Variants in CCBE1 observed in about 807,000 individuals in gnomAD.
CCBE1 encodes collagen and calcium-binding EGF domain-containing protein 1.
In CCBE1, 37 loss-of-function variants were observed where a neutral mutation model predicts 50.0. That is an observed-to-expected ratio of 0.74 (90% CI 0.57 to 0.97). The LOEUF (loss-of-function observed/expected upper bound fraction) is 0.97, where lower values mean the gene tolerates loss of function less well. Among genes scored for constraint, CCBE1 ranks in the 50% least tolerant of loss-of-function variants. The probability of loss-of-function intolerance (pLI) is 0.00; values close to 1 mark genes in which losing one functional copy is unlikely to be tolerated. For missense variants in CCBE1, 538 were observed against 523.8 expected (o/e 1.03, Z -0.26); for synonymous variants, 234 against 203.7 (o/e 1.15, Z -1.27).
intron 2 of CCBE1, among the ~76,000 whole-genome samples, chr18:59,637,924 C>T (rs1191483042): frequency 6.6e-6 from 1 of 152,044 alleles, no homozygotes; most frequent in African/African-American, 2.4e-5. Context: ...AACAAATAAT[C>T]CTAGTTTACA....
At chr18:59,658,385 A>G (rs1318052866) in intron 2 of CCBE1, among the ~76,000 whole-genome samples, 6 of 37,152 alleles carry the variant, frequency 1.6e-4, no homozygotes, top group African/African-American at 2.1e-4. Context: ...ATATATATAT[A>G]TATATATATA....
intron 2 of CCBE1, among the ~76,000 whole-genome samples, chr18:59,582,797 A>C (rs542160980): frequency 6.6e-6 from 1 of 152,166 alleles, no homozygotes; most frequent in Non-Finnish European, 1.5e-5. Context: ...CAAAGGAAAA[A>C]GTCAAACTTT....
intron 2 of CCBE1, among the ~76,000 whole-genome samples, chr18:59,565,753 AG>A (rs1445266485): frequency 6.6e-6 from 1 of 151,174 alleles, no homozygotes; most frequent in Non-Finnish European, 1.5e-5. Context: ...GGTTGTCACT[AG>A]ATTTTTTTTT....
At chr18:59,454,715 C>T (rs1462615008) in intron 6 of CCBE1, 136 bp downstream of exon 6, 3 of 789,738 alleles carry the variant, frequency 3.8e-6, no homozygotes, top group Non-Finnish European at 6.5e-6. Flanking sequence ...CATCCCAAGT[C>T]CATGCAAACC....
chr18:59,456,913 TC>T (rs1333836939), intron 5 of CCBE1, among the ~76,000 whole-genome samples: 1 of 152,086 alleles, frequency 6.6e-6, no homozygotes, highest in Non-Finnish European at 1.5e-5. Context: ...TGCACCACCA[TC>T]CCTGCACCAT....
chr18:59,567,701 TA>T (rs1222044004), intron 2 of CCBE1, among the ~76,000 whole-genome samples: 1 of 152,196 alleles, frequency 6.6e-6, no homozygotes, highest in African/African-American at 2.4e-5. Flanking sequence ...ACGTTCTGCC[TA>T]AAATTGTCTG....
rs8092055 is a variant in CCBE1, at chr18:59,499,537, G to A, written c.213-19299C>T. Among the ~76,000 whole-genome samples, 944 of 152,224 alleles carry A rather than the reference G, an allele frequency of 6.2e-3. 9 individuals carry two copies. The highest frequency in any genetic ancestry group is 0.022 in the African/African-American group (894 of 41,530). On this transcript the variant is annotated intron_variant, in intron 2 of 10. Transcript: ENST00000439986. ...GGAGCAAGTCATGTCTTACATGGAC[G>A]GCAACAGGCAAAGAGAGAGAGAGCT...
intron 2 of CCBE1, among the ~76,000 whole-genome samples, chr18:59,653,984 T>C (rs2054156762): frequency 6.6e-6 from 1 of 152,214 alleles, no homozygotes; most frequent in African/African-American, 2.4e-5. Context: ...GCTAGAAGGC[T>C]TTACACATTC....
intron 2 of CCBE1, among the ~76,000 whole-genome samples, chr18:59,573,885 A>G (rs2052953656): frequency 6.6e-6 from 1 of 152,226 alleles, no homozygotes; most frequent in African/African-American, 2.4e-5. Flanking sequence ...GGAGCATCTC[A>G]AGGACAGGAA....
Position 59,671,499 on chromosome 18 carries a change from G to GA in CCBE1, c.212+25129dup, listed in dbSNP as rs56009778. 3.3e-3 allele frequency among the ~76,000 whole-genome samples: 398 copies of GA among 121,094 alleles called. 1 individual carries two copies. The highest frequency in any genetic ancestry group is 4.5e-3 in the Middle Eastern group (1 of 222). 79.4% of individuals were successfully genotyped at this position (121,094 alleles called of 152,430 possible). A position where few individuals can be genotyped will look rare whatever the true frequency, so the allele number is the denominator to read the frequency against. ...GGCAACAGAGTGAGACCTTGTCTCA[G>GA]AAAAAAAAAAAAAAAAAGTAAGAAA... On this transcript the variant is annotated intron_variant, in intron 2 of 10. Transcript: ENST00000439986.
rs1275644582 is a variant in CCBE1 at position 59,435,600 on chromosome 18, T to A, written c.*308A>T. On this transcript the variant is annotated 3_prime_UTR_variant, in exon 11 of 11. Coordinates refer to ENST00000439986, the MANE Select transcript of CCBE1 (RefSeq NM_133459.4). Reference sequence around the variant, plus strand: ...CAAGAATTTATGATTTAAGACACTGTGAGAGTACTTAAATCCAAAGTTCCT... The same window carrying A: ...CAAGAATTTATGATTTAAGACACTGAGAGAGTACTTAAATCCAAAGTTCCT... The A allele has an allele frequency of 4.8e-6, 2 of 420,854 alleles. No individual in the cohort carries two copies. The highest frequency in any genetic ancestry group is 8.8e-6 in the Non-Finnish European group (2 of 226,834). The allele number at this position is 420,854 out of a possible 1,614,324, so 26.1% of individuals were successfully genotyped here.
intron 2 of CCBE1, among the ~76,000 whole-genome samples, chr18:59,680,711 AAAAACAAAAC>A (rs540169724): frequency 1.0e-3 from 157 of 152,220 alleles, no homozygotes; most frequent in Non-Finnish European, 1.1e-3. Context: ...AAAAAAAAGA[AAAAACAAAAC>A]AAAACAAAAC....
chr18:59,437,613 A>G (rs1470696752), intron 10 of CCBE1, among the ~76,000 whole-genome samples: 2 of 152,212 alleles, frequency 1.3e-5, no homozygotes, highest in Admixed American at 6.5e-5. Context: ...ACTATTTCTC[A>G]TTTTTAATCT....
intron 2 of CCBE1, among the ~76,000 whole-genome samples, chr18:59,555,534 C>G (rs2000889): frequency 0.11 from 16,658 of 152,170 alleles, 1,173 homozygotes; most frequent in East Asian, 0.34. Flanking sequence ...GAAAGCCATG[C>G]AGTTTCCTTA....
chr18:59,521,367 T>C (rs1914591455), intron 2 of CCBE1, among the ~76,000 whole-genome samples: 1 of 152,256 alleles, frequency 6.6e-6, no homozygotes, highest in African/African-American at 2.4e-5. Context: ...TAAAGAAATG[T>C]ATCCATGAGT....
chr18:59,679,330 A>G (rs1023796140), intron 2 of CCBE1, among the ~76,000 whole-genome samples: 4 of 152,174 alleles, frequency 2.6e-5, no homozygotes, highest in Non-Finnish European at 4.4e-5. Flanking sequence ...AAACAAATCT[A>G]TTTTATCCAA....
intron 2 of CCBE1, among the ~76,000 whole-genome samples, chr18:59,641,317 A>G (rs1156941769): frequency 1.3e-5 from 2 of 152,168 alleles, no homozygotes; most frequent in African/African-American, 4.8e-5. Flanking sequence ...ACAGGGATGG[A>G]GCTAAAAGCA....
chr18:59,496,069 TATC>T (rs1389828429), intron 2 of CCBE1, among the ~76,000 whole-genome samples: 5 of 152,214 alleles, frequency 3.3e-5, no homozygotes, highest in Non-Finnish European at 5.9e-5. Context: ...GTTTGTCACT[TATC>T]ATAATTTTTT....
chr18:59,477,538 C>CTGTGTGTGTGTGTGTGTGTG (rs55840819), intron 3 of CCBE1, among the ~76,000 whole-genome samples: 28 of 149,996 alleles, frequency 1.9e-4, no homozygotes, highest in Admixed American at 1.1e-3. Context: ...TTCCATGTCT[C>CTGTGTGTGTGTGTGTGTGTG]TGTGTGTGTG....
Sources: gnomAD v4.1 joint callset for allele counts (sites outside exome capture counted in the v4.1 genomes callset) on GRCh38, gnomAD v4.1.1 for gene constraint, MANE v1.5 for transcripts, NCBI Gene and HGNC (gene_info 2026-07-23, HGNC 2026-07-21) for gene names.